The following SLC24A2 variants were observed in gnomAD, a reference collection of about 807,000 sequenced individuals.
The protein encoded by SLC24A2 is sodium/potassium/calcium exchanger 2.
A neutral mutation model predicts 62.0 loss-of-function variants in SLC24A2; 36 were observed. The ratio of observed to expected loss-of-function variants is 0.58; its 90% confidence interval spans 0.44 to 0.77. The LOEUF is 0.77. Ranked by LOEUF, SLC24A2 falls within the 30% of genes least tolerant of loss-of-function variation. The pLI is 0.00. For missense variants in SLC24A2, 846 were observed against 817.9 expected, an observed-to-expected ratio of 1.03 and a Z score of -0.42; for synonymous variants, 358 against 294.0, an observed-to-expected ratio of 1.22 and a Z score of -2.23.
chr9:19,616,234 A>T (rs2117861506), intron 4 of SLC24A2, among the ~76,000 whole-genome samples: 1 of 152,340 alleles, frequency 6.6e-6, no homozygotes, highest in Non-Finnish European at 1.5e-5. Context: ...AATGAAGTAG[A>T]ATAATTCCAA....
chr9:20,212,108 T>C, the SLC24A2 span, among the ~76,000 whole-genome samples: 1 of 148,884 alleles, frequency 6.7e-6, no homozygotes, highest in Non-Finnish European at 1.5e-5. Context: ...TCAGTGATTG[T>C]CTATGACAAG....
the SLC24A2 span, among the ~76,000 whole-genome samples, chr9:20,194,356 G>A: frequency 6.6e-6 from 1 of 152,044 alleles, no homozygotes; most frequent in Non-Finnish European, 1.5e-5. Context: ...TTTGACTGAA[G>A]CCCGATTCCA....
At chr9:20,080,448 C>T in the SLC24A2 span, among the ~76,000 whole-genome samples, 1 of 152,124 alleles carries the variant, frequency 6.6e-6, no homozygotes, top group Non-Finnish European at 1.5e-5. Flanking sequence ...AACTGGATCC[C>T]TTCCTTACAC....
chr9:19,836,756 C>A, the SLC24A2 span, among the ~76,000 whole-genome samples: 1 of 152,144 alleles, frequency 6.6e-6, no homozygotes, highest in Admixed American at 6.5e-5. Flanking sequence ...GATACCAAAG[C>A]CTGGCAGAGA....
At chr9:19,818,496 T>A in the SLC24A2 span, among the ~76,000 whole-genome samples, 1 of 152,130 alleles carries the variant, frequency 6.6e-6, no homozygotes, top group Admixed American at 6.6e-5. Flanking sequence ...ATAAAAGAAT[T>A]CAGCAAAGTT....
intron 2 of SLC24A2, among the ~76,000 whole-genome samples, chr9:19,668,542 C>T (rs1819323031): frequency 6.6e-6 from 1 of 152,186 alleles, no homozygotes; most frequent in Admixed American, 6.5e-5. Context: ...ATGCTGTTGA[C>T]TGTTTGAAAT....
the SLC24A2 span, among the ~76,000 whole-genome samples, chr9:19,968,661 C>A: frequency 6.6e-6 from 1 of 152,160 alleles, no homozygotes; most frequent in African/African-American, 2.4e-5. Context: ...AAGTTAAGGA[C>A]TTCACCCAAG....
At chr9:19,850,249 C>G in the SLC24A2 span, among the ~76,000 whole-genome samples, 1 of 151,962 alleles carries the variant, frequency 6.6e-6, no homozygotes. Context: ...ATGCTCTCAT[C>G]TTTATAATTT....
chr9:19,528,804 C>T (rs572770819), intron 8 of SLC24A2, among the ~76,000 whole-genome samples: 1 of 152,158 alleles, frequency 6.6e-6, no homozygotes, highest in Non-Finnish European at 1.5e-5. Flanking sequence ...CTGATTTCCA[C>T]TGAGATGGCA....
the SLC24A2 span, among the ~76,000 whole-genome samples, chr9:19,990,451 A>G: frequency 1.3e-5 from 2 of 151,976 alleles, no homozygotes; most frequent in Admixed American, 1.3e-4. Flanking sequence ...CTCTACTAAA[A>G]TACAAAAAAA....
chr9:19,829,790 TG>T, the SLC24A2 span, among the ~76,000 whole-genome samples: 1 of 21,986 alleles, frequency 4.5e-5, no homozygotes, highest in Non-Finnish European at 2.4e-4. Context: ...TGTGTGTGTG[TG>T]TGTGTGTATA....
rs532013562 is a variant in SLC24A2, at chr9:19,579,402, C to T, written c.1130-2380G>A. ...GCTTGAGTACTCTGCAGTCCTCAGCCTAAAGAGGAGTTACTTTTTGCAGAA... is the reference window on the plus strand; with the variant it reads ...GCTTGAGTACTCTGCAGTCCTCAGCTTAAAGAGGAGTTACTTTTTGCAGAA... On this transcript the variant is annotated intron_variant, in intron 5 of 10. Transcript: ENST00000341998. Among the ~76,000 whole-genome samples the T allele has an allele frequency of 1.1e-4, 16 of 152,252 alleles. No homozygotes were observed. The South Asian group carries it at 3.3e-3, about 32-fold the overall frequency.
chr9:19,722,783 A>C (rs1407278705), intron 2 of SLC24A2, among the ~76,000 whole-genome samples: 4 of 152,118 alleles, frequency 2.6e-5, no homozygotes, highest in Non-Finnish European at 4.4e-5. Context: ...ATGACCCCCA[A>C]ACAATCTTAG....
chr9:19,914,098 G>C, the SLC24A2 span, among the ~76,000 whole-genome samples: 1 of 151,952 alleles, frequency 6.6e-6, no homozygotes, highest in Non-Finnish European at 1.5e-5. Context: ...TACATATCTA[G>C]TCCGTTACCA....
At chr9:19,873,199 CCCTT>C in the SLC24A2 span, among the ~76,000 whole-genome samples, 1 of 151,664 alleles carries the variant, frequency 6.6e-6, no homozygotes, top group African/African-American at 2.4e-5. Context: ...CTCCCTTCCT[CCCTT>C]CCTCCCTCCC....
the SLC24A2 span, among the ~76,000 whole-genome samples, chr9:20,142,752 C>T: frequency 1.1e-4 from 16 of 152,218 alleles, 1 homozygote; most frequent in South Asian, 1.2e-3. Context: ...CCTGCCACCA[C>T]GCCCAGCTAA....
intron 2 of SLC24A2, among the ~76,000 whole-genome samples, chr9:19,732,918 C>T (rs1205626906): frequency 1.3e-5 from 2 of 152,100 alleles, no homozygotes; most frequent in Non-Finnish European, 2.9e-5. Flanking sequence ...GCGAGTAAAA[C>T]CTAGGAATTA....
At chr9:19,964,064 T>C in the SLC24A2 span, among the ~76,000 whole-genome samples, 1 of 151,810 alleles carries the variant, frequency 6.6e-6, no homozygotes, top group Non-Finnish European at 1.5e-5. Flanking sequence ...TTCATGTCCT[T>C]TGTAGGGACA....
At chr9:19,788,604 TG>T (rs1053918490) in intron 1 of SLC24A2, 1 of 985,248 alleles carries the variant, frequency 1.0e-6, no homozygotes, top group African/African-American at 1.7e-5. Flanking sequence ...TGTAGGTGGC[TG>T]GGGAATGGAA....
Sources: gnomAD v4.1 joint callset for allele counts (sites outside exome capture counted in the v4.1 genomes callset) on GRCh38, gnomAD v4.1.1 for gene constraint, MANE v1.5 for transcripts, NCBI Gene and HGNC (gene_info 2026-07-23, HGNC 2026-07-21) for gene names.